The following MARCHF1 variants were observed in gnomAD, a reference collection of about 807,000 sequenced individuals.
MARCHF1 encodes the protein membrane associated ring-CH-type finger 1.
MARCHF1 carries 40 observed loss-of-function variants against 54.2 expected under a neutral mutation model. That is an observed-to-expected ratio of 0.74 (90% confidence interval 0.57 to 0.96). MARCHF1 has a LOEUF of 0.96. Ranked by LOEUF, MARCHF1 falls within the 40% of genes least tolerant of loss-of-function variation. The probability of loss-of-function intolerance (pLI) is 0.00; values close to 1 mark genes in which losing one functional copy is unlikely to be tolerated. For synonymous variants in MARCHF1, 236 were observed against 236.3 expected, an observed-to-expected ratio of 1.00 and a Z score of 0.01; for missense variants, 586 against 656.5, an observed-to-expected ratio of 0.89 and a Z score of 1.17.
chr4:163,903,932 T>C (rs1343618154), intron 3 of MARCHF1, among the ~76,000 whole-genome samples: 4 of 152,164 alleles, frequency 2.6e-5, no homozygotes, highest in Non-Finnish European at 5.9e-5. Context: ...TTAAATTGTG[T>C]TCTAACTGCA....
chr4:163,763,945 A>G (rs777398189), intron 4 of MARCHF1, among the ~76,000 whole-genome samples: 35 of 152,034 alleles, frequency 2.3e-4, no homozygotes, highest in Non-Finnish European at 4.3e-4. Context: ...CAAAACACCC[A>G]TTTTCCCATA....
At chr4:164,083,322 T>C (rs1755136751) in intron 2 of MARCHF1, among the ~76,000 whole-genome samples, 1 of 152,062 alleles carries the variant, frequency 6.6e-6, no homozygotes, top group Non-Finnish European at 1.5e-5. Flanking sequence ...TCAATAATCA[T>C]CTGGCTGTCT....
intron 1 of MARCHF1, among the ~76,000 whole-genome samples, chr4:164,361,490 C>G (rs775575833): frequency 2.6e-5 from 4 of 152,098 alleles, no homozygotes; most frequent in African/African-American, 9.7e-5. Context: ...ACTGAAACTG[C>G]TGTTTATCTA....
intron 4 of MARCHF1, among the ~76,000 whole-genome samples, chr4:163,845,802 A>G (rs935540707): frequency 5.4e-4 from 83 of 152,308 alleles, no homozygotes; most frequent in Middle Eastern, 3.4e-3. Context: ...GTGAATAACC[A>G]TGTTTTGACA....
intron 1 of MARCHF1, among the ~76,000 whole-genome samples, chr4:164,240,156 G>A (rs980829847): frequency 1.3e-5 from 2 of 152,146 alleles, no homozygotes; most frequent in African/African-American, 4.8e-5. Flanking sequence ...CAGTTCTAAT[G>A]AGCCACGAGA....
chr4:163,579,449 C>T (rs989777585), intron 8 of MARCHF1, among the ~76,000 whole-genome samples: 1 of 152,058 alleles, frequency 6.6e-6, no homozygotes, highest in Non-Finnish European at 1.5e-5. Flanking sequence ...TTTCCCATAG[C>T]AAACACCTAA....
chr4:163,588,166 T>C (rs1369362519), intron 7 of MARCHF1, among the ~76,000 whole-genome samples: 1 of 152,190 alleles, frequency 6.6e-6, no homozygotes, highest in African/African-American at 2.4e-5. Flanking sequence ...GGAAGGTCCG[T>C]ATTAATGTCC....
chr4:163,854,064 T>G lies in MARCHF1; in HGVS notation c.68A>C (p.Glu23Ala). Reference sequence around the variant, plus strand: ...GGCGTCAGCCAAATCCCCTGAGATCTCGGGTGTTCGCGTGTTGTTTGGAAT... The same window carrying G: ...GGCGTCAGCCAAATCCCCTGAGATCGCGGGTGTTCGCGTGTTGTTTGGAAT... ...HRIPNNTRTP[E>A]ISGDLADASQ... Residue 23 changes from glutamate (E) to alanine (A), a missense_variant, in exon 4 of 10, where the codon GAG becomes GCG. Physicochemically the swap from Glu to Ala is moderately radical, Grantham distance 107 (BLOSUM62 -1). Coordinates refer to ENST00000514618, the MANE Select transcript of MARCHF1 (RefSeq NM_001394959.1). 2.0e-6 allele frequency: 3 copies of G among 1,536,978 alleles called. No homozygotes were observed. Among genetic ancestry groups the G allele is most frequent in the Non-Finnish European group, 2.6e-6 (3 of 1,146,690 alleles).
chr4:164,307,767 C>T (rs1734734792), intron 1 of MARCHF1, among the ~76,000 whole-genome samples: 2 of 152,146 alleles, frequency 1.3e-5, no homozygotes, highest in Non-Finnish European at 2.9e-5. Context: ...AGTTAGGAGA[C>T]AGAGTACAGG....
chr4:164,277,695 T>C (rs1195695426), intron 1 of MARCHF1, among the ~76,000 whole-genome samples: 4 of 152,248 alleles, frequency 2.6e-5, no homozygotes, highest in African/African-American at 9.6e-5. Context: ...ATGTACTTCA[T>C]ACAGCATGCA....
chr4:163,793,797 G>T (rs1187868199), intron 4 of MARCHF1, among the ~76,000 whole-genome samples: 1 of 152,102 alleles, frequency 6.6e-6, no homozygotes, highest in Non-Finnish European at 1.5e-5. Flanking sequence ...GCAGCCCCCA[G>T]TCACGTACCC....
At chr4:163,717,396 T>C (rs991186328) in intron 4 of MARCHF1, among the ~76,000 whole-genome samples, 3 of 152,056 alleles carry the variant, frequency 2.0e-5, no homozygotes, top group Middle Eastern at 3.4e-3. Flanking sequence ...CAGTCTATCA[T>C]TGTTGGACAT....
At chr4:163,563,807 T>C (rs557648331) in intron 8 of MARCHF1, among the ~76,000 whole-genome samples, 1 of 152,336 alleles carries the variant, frequency 6.6e-6, no homozygotes, top group South Asian at 2.1e-4. Flanking sequence ...TGGCCGAATA[T>C]TGTAGTCATT....
intron 4 of MARCHF1, among the ~76,000 whole-genome samples, chr4:163,724,301 T>G (rs754690749): frequency 6.6e-5 from 10 of 152,230 alleles, no homozygotes; most frequent in Non-Finnish European, 1.2e-4. Flanking sequence ...TGCCTGGGTA[T>G]AAGCAGCAGA....
rs79318270 is a variant in MARCHF1, at chr4:163,704,884, G to T, written c.112-4021C>A. ...CTTAAAGGAAGTCTTTGAAATAATT[G>T]CAAAATAGATGAACTTCCCATAAGA... On this transcript the variant is annotated intron_variant, in intron 4 of 9. Transcript: ENST00000514618. 3.9e-3 allele frequency among the ~76,000 whole-genome samples: 593 copies of T among 151,604 alleles called. 4 individuals carry two copies. Among genetic ancestry groups the T allele is most frequent in the Non-Finnish European group, 5.1e-3 (342 of 67,684 alleles).
At chr4:164,197,118 G>C (rs142094948) in intron 1 of MARCHF1, 3 of 1,604,318 alleles carry the variant, frequency 1.9e-6, no homozygotes, top group Non-Finnish European at 2.6e-6. Flanking sequence ...CTCCACTCAC[G>C]TCCTCCTCTT....
intron 4 of MARCHF1, among the ~76,000 whole-genome samples, chr4:163,793,887 C>T (rs775467356): frequency 6.6e-6 from 1 of 152,162 alleles, no homozygotes; most frequent in Non-Finnish European, 1.5e-5. Context: ...AGGAATTGCT[C>T]ACTCAGGGAG....
At chr4:164,259,560 AAAAAAG>A (rs1733400025) in intron 1 of MARCHF1, among the ~76,000 whole-genome samples, 12 of 119,002 alleles carry the variant, frequency 1.0e-4, no homozygotes, top group African/African-American at 1.7e-4. Context: ...AAAAAAAAAA[AAAAAAG>A]AAAAAAGAAA....
Position 164,036,459 on chromosome 4 carries a change from T to C in MARCHF1, c.-247-47750A>G, listed in dbSNP as rs545307127. On this transcript the variant is annotated intron_variant, in intron 2 of 9. Coordinates refer to ENST00000514618, the MANE Select transcript of MARCHF1 (RefSeq NM_001394959.1). The stretch of plus-strand genomic sequence containing the variant: ...AATTACCTTCTAGTGATTCCAATGC[T>C]GTCTGAAAATATATTAAATATAAAT... Among the ~76,000 whole-genome samples the C allele has an allele frequency of 2.0e-4, 30 of 152,298 alleles. 1 individual carries two copies. Among genetic ancestry groups the C allele is most frequent in the Admixed American group, 2.0e-3 (30 of 15,294 alleles).
Sources: allele counts gnomAD v4.1 joint callset (sites outside exome capture counted in the v4.1 genomes callset), GRCh38; gene constraint gnomAD v4.1.1; transcripts MANE v1.5; gene names NCBI Gene and HGNC (gene_info 2026-07-23, HGNC 2026-07-21).